Variants in SAMD12 observed in about 807,000 individuals in gnomAD.
SAMD12 encodes the protein sterile alpha motif domain containing 12, also known as sterile alpha motif domain-containing protein 12.
A neutral mutation model predicts 15.0 loss-of-function variants in SAMD12; 9 were observed. The observed-to-expected ratio is 0.60, with a 90% CI of 0.36 to 1.05. The LOEUF is 1.05. Ranked by LOEUF, SAMD12 falls within the 50% of genes least tolerant of loss-of-function variation. The probability of loss-of-function intolerance (pLI) is 0.01; values close to 1 mark genes in which losing one functional copy is unlikely to be tolerated. For synonymous variants in SAMD12, 86 were observed against 90.1 expected (o/e 0.96, Z 0.25); for missense variants, 230 against 234.2 (o/e 0.98, Z 0.12).
intron 2 of SAMD12, among the ~76,000 whole-genome samples, chr8:118,508,605 C>G (rs1824989765): frequency 6.6e-6 from 1 of 152,206 alleles, no homozygotes; most frequent in Admixed American, 6.5e-5. Flanking sequence ...CTCCATGTCA[C>G]TTGCATAACT....
chr8:118,316,141 C>A (rs777510945), intron 4 of SAMD12, among the ~76,000 whole-genome samples: 3 of 152,060 alleles, frequency 2.0e-5, no homozygotes, highest in Non-Finnish European at 4.4e-5. Flanking sequence ...ATGCCACATA[C>A]TGAAAGAAGG....
chr8:118,176,284 C>T, the SAMD12 span, among the ~76,000 whole-genome samples: 1 of 151,846 alleles, frequency 6.6e-6, no homozygotes, highest in Non-Finnish European at 1.5e-5. Flanking sequence ...CTGGGAGACA[C>T]AGCAAAACTC....
At position 118,248,746 on chromosome 8, in the gene SAMD12, T is replaced by A. The variant is rs1017999543; in HGVS notation, c.434-51014A>T. ...GACAAAAAGCCCCAGAAAGCATTCT[T>A]ATAAAAGCACTCTTTCAACTTGTTA... On this transcript the variant is annotated intron_variant, in intron 4 of 4. Transcript: ENST00000409003. Among the ~76,000 whole-genome samples the A allele has an allele frequency of 2.0e-5, 3 of 152,088 alleles. No individual in the cohort carries two copies. The East Asian group carries it at 5.8e-4, about 29-fold the overall frequency.
chr8:118,147,553 G>A, the SAMD12 span, among the ~76,000 whole-genome samples: 1 of 151,824 alleles, frequency 6.6e-6, no homozygotes, highest in Non-Finnish European at 1.5e-5. Context: ...GTAGAGATGG[G>A]GCTTCACCAT....
chr8:118,576,195 C>T (rs1213508464), intron 2 of SAMD12, among the ~76,000 whole-genome samples: 1 of 152,178 alleles, frequency 6.6e-6, no homozygotes, highest in Non-Finnish European at 1.5e-5. Context: ...AAAACAGCAG[C>T]TCCTGGAAAC....
exon 5 of SAMD12, chr8:118,192,968 C>A (rs1004130988): frequency 6.6e-6 from 1 of 152,182 alleles, no homozygotes; most frequent in Admixed American, 6.5e-5. Flanking sequence ...ATATCTTTGG[C>A]ATCCATTTTC....
intron 1 of SAMD12, among the ~76,000 whole-genome samples, chr8:118,612,689 T>C (rs1215279807): frequency 6.6e-6 from 1 of 152,248 alleles, no homozygotes; most frequent in Admixed American, 6.5e-5. Flanking sequence ...ATACTCACTA[T>C]ATGACTTGTA....
intron 2 of SAMD12, among the ~76,000 whole-genome samples, chr8:118,457,466 A>G (rs556840793): frequency 5.3e-5 from 8 of 152,060 alleles, no homozygotes; most frequent in Admixed American, 2.0e-4. Context: ...CCTGGTCTGA[A>G]GCAATCATCC....
At chr8:118,152,432 C>A in the SAMD12 span, among the ~76,000 whole-genome samples, 1 of 143,744 alleles carries the variant, frequency 7.0e-6, no homozygotes, top group African/African-American at 2.6e-5. Context: ...TTTCCTTTTC[C>A]TTCCTTCCTT....
chr8:118,438,747 C>T (rs7837305), intron 3 of SAMD12, among the ~76,000 whole-genome samples: 2,760 of 152,152 alleles, frequency 0.018, 87 homozygotes, highest in African/African-American at 0.063. Flanking sequence ...TTTGTCATGA[C>T]AGAAAGTGTG....
chr8:118,371,772 G>A (rs1819109239), intron 4 of SAMD12, among the ~76,000 whole-genome samples: 1 of 152,180 alleles, frequency 6.6e-6, no homozygotes, highest in African/African-American at 2.4e-5. Context: ...CTATGAAGTA[G>A]GGGATGCTTA....
chr8:118,463,266 T>C (rs1391162726), intron 2 of SAMD12, among the ~76,000 whole-genome samples: 1 of 151,718 alleles, frequency 6.6e-6, no homozygotes, highest in Non-Finnish European at 1.5e-5. Flanking sequence ...GACCCAGCAG[T>C]AGGGAATGGG....
At chr8:118,260,377 T>C (rs1232862590) in intron 4 of SAMD12, among the ~76,000 whole-genome samples, 1 of 152,156 alleles carries the variant, frequency 6.6e-6, no homozygotes, top group African/African-American at 2.4e-5. Context: ...CTCTATTATC[T>C]GGGCTCTTAT....
chr8:118,164,673 G>C, the SAMD12 span, among the ~76,000 whole-genome samples: 1 of 151,538 alleles, frequency 6.6e-6, no homozygotes, highest in Non-Finnish European at 1.5e-5. Context: ...CTCTGCTCTG[G>C]ACTTTACAGC....
chr8:118,552,536 T>C (rs1278057562), intron 2 of SAMD12, among the ~76,000 whole-genome samples: 1 of 152,186 alleles, frequency 6.6e-6, no homozygotes, highest in East Asian at 1.9e-4. Context: ...TATTTCAAAA[T>C]AATAAGAGCT....
intron 1 of SAMD12, among the ~76,000 whole-genome samples, chr8:118,582,088 A>G (rs1238977367): frequency 6.6e-6 from 1 of 152,182 alleles, no homozygotes; most frequent in East Asian, 1.9e-4. Context: ...CAGGATTCTG[A>G]TGAGTACTTT....
intron 2 of SAMD12, among the ~76,000 whole-genome samples, chr8:118,450,299 A>G (rs1248746636): frequency 6.6e-6 from 1 of 152,164 alleles, no homozygotes; most frequent in African/African-American, 2.4e-5. Flanking sequence ...GGCAGCCTGG[A>G]TGGCTCTGGT....
chr8:118,384,783 T>C (rs1819862663), intron 3 of SAMD12, among the ~76,000 whole-genome samples: 1 of 152,208 alleles, frequency 6.6e-6, no homozygotes, highest in African/African-American at 2.4e-5. Flanking sequence ...TGAATGCTCT[T>C]ATTCCTTCAA....
downstream of SAMD12, among the ~76,000 whole-genome samples, chr8:118,186,841 G>A (rs929554458): frequency 4.6e-5 from 7 of 152,176 alleles, no homozygotes; most frequent in East Asian, 1.9e-4. Flanking sequence ...GAGTTAAAAC[G>A]GAAGGAAGCA....
Sources: gnomAD v4.1 joint callset for allele counts (sites outside exome capture counted in the v4.1 genomes callset) on GRCh38, gnomAD v4.1.1 for gene constraint, MANE v1.5 for transcripts, NCBI Gene and HGNC (gene_info 2026-07-23, HGNC 2026-07-21) for gene names.